Variants in TRAPPC9 observed in about 807,000 individuals in gnomAD.
The protein encoded by TRAPPC9 is trafficking protein particle complex subunit 9, also known as IKK2 binding protein.
In TRAPPC9, 83 loss-of-function variants were observed where a neutral mutation model predicts 124.0. The ratio of observed to expected loss-of-function variants is 0.67; its 90% CI spans 0.56 to 0.80. The LOEUF is 0.80. TRAPPC9 is among the 30% of genes least tolerant of loss of function. The probability of loss-of-function intolerance (pLI) is 0.00; values close to 1 mark genes in which losing one functional copy is unlikely to be tolerated. For missense variants in TRAPPC9, 1,302 were observed against 1,508.3 expected (o/e 0.86, Z 2.27); for synonymous variants, 638 against 617.5 (o/e 1.03, Z -0.49).
In TRAPPC9 at chr8:140,073,160, C is replaced by T. The variant is rs540774619; in HGVS notation, c.2557-49081G>A. ...ATAGTTTCTTATAGTTAAACCCACG[C>T]TTAGTATATGACCTAACAATTCTAC... is the stretch of plus-strand genomic sequence containing the variant. On this transcript the variant is annotated intron_variant, in intron 17 of 22. Coordinates refer to ENST00000438773, the MANE Select transcript of TRAPPC9 (RefSeq NM_001160372.4). Among the ~76,000 whole-genome samples the T allele has an allele frequency of 2.0e-5, 3 of 152,286 alleles. No individual in the cohort carries two copies. In the East Asian group the frequency reaches 5.8e-4, roughly 29 times the overall value.
intron 18 of TRAPPC9, among the ~76,000 whole-genome samples, chr8:140,015,384 C>T (rs981311235): frequency 3.3e-5 from 5 of 152,214 alleles, no homozygotes; most frequent in African/African-American, 1.2e-4. Context: ...AAATCTTCAC[C>T]TGTGAGCAAA....
chr8:139,780,838 T>G (rs965687495), intron 21 of TRAPPC9, among the ~76,000 whole-genome samples: 2 of 149,854 alleles, frequency 1.3e-5, no homozygotes, highest in African/African-American at 4.9e-5. Context: ...AAACAAACAA[T>G]CTGATTTAAA....
chr8:140,126,864 G>A (rs539385012), intron 17 of TRAPPC9, among the ~76,000 whole-genome samples: 25 of 152,270 alleles, frequency 1.6e-4, no homozygotes, highest in African/African-American at 5.8e-4. Flanking sequence ...GTATTTGGAC[G>A]ACACTGAACA....
At chr8:140,323,219 T>C (rs1273248659) in intron 9 of TRAPPC9, among the ~76,000 whole-genome samples, 1 of 152,216 alleles carries the variant, frequency 6.6e-6, no homozygotes, top group Admixed American at 6.5e-5. Context: ...GTGGTACACC[T>C]GGAGAGGCAT....
chr8:140,325,861 A>T (rs1438043149), intron 9 of TRAPPC9, among the ~76,000 whole-genome samples: 2 of 152,188 alleles, frequency 1.3e-5, no homozygotes, highest in African/African-American at 4.8e-5. Context: ...AGAACTAAAG[A>T]GATAAACAGC....
At chr8:139,840,073 CTG>C (rs1479509103) in intron 21 of TRAPPC9, among the ~76,000 whole-genome samples, 1 of 152,254 alleles carries the variant, frequency 6.6e-6, no homozygotes, top group Non-Finnish European at 1.5e-5. Flanking sequence ...ACCAGAGAGT[CTG>C]TACTAAATTC....
At chr8:140,327,924 G>A (rs1167013976) in intron 9 of TRAPPC9, among the ~76,000 whole-genome samples, 2 of 152,156 alleles carry the variant, frequency 1.3e-5, no homozygotes, top group East Asian at 3.8e-4. Context: ...TTTGTGTTGT[G>A]TATATCTTAC....
At chr8:140,060,813 C>A (rs1842565294) in intron 17 of TRAPPC9, among the ~76,000 whole-genome samples, 1 of 152,228 alleles carries the variant, frequency 6.6e-6, no homozygotes, top group Non-Finnish European at 1.5e-5. Flanking sequence ...AGCAGGAGGG[C>A]AGGCCTGGCA....
intron 17 of TRAPPC9, among the ~76,000 whole-genome samples, chr8:140,069,763 C>T (rs1449075641): frequency 2.0e-5 from 3 of 152,158 alleles, no homozygotes. Flanking sequence ...ACCAAGCCGC[C>T]TGCAAGCTGG....
Position 140,049,775 on chromosome 8 carries a change from T to C in TRAPPC9, c.2557-25696A>G, listed in dbSNP as rs73359115. 1.3e-3 allele frequency among the ~76,000 whole-genome samples: 191 copies of C among 152,248 alleles called. 2 individuals carry two copies. The highest frequency in any genetic ancestry group is 4.4e-3 in the African/African-American group (184 of 41,556). ...CGTCTGTATCCCACAGGGCAGGCACTGTGTGAGGTTTTGTGGAAGGTCTCC... is the reference window on the plus strand; with the variant it reads ...CGTCTGTATCCCACAGGGCAGGCACCGTGTGAGGTTTTGTGGAAGGTCTCC... On this transcript the variant is annotated intron_variant, in intron 17 of 22. Transcript: ENST00000438773.
chr8:140,031,527 T>G (rs1840495476), intron 17 of TRAPPC9, among the ~76,000 whole-genome samples: 1 of 152,218 alleles, frequency 6.6e-6, no homozygotes, highest in African/African-American at 2.4e-5. Flanking sequence ...CTGCTCTGTT[T>G]CTATAATATG....
chr8:139,809,800 G>T (rs1824313644), intron 21 of TRAPPC9, among the ~76,000 whole-genome samples: 1 of 152,098 alleles, frequency 6.6e-6, no homozygotes, highest in Admixed American at 6.5e-5. Flanking sequence ...CATATAAACG[G>T]CGGCCACCAC....
intron 19 of TRAPPC9, among the ~76,000 whole-genome samples, chr8:139,968,883 C>A (rs574775041): frequency 6.6e-6 from 1 of 152,180 alleles, no homozygotes; most frequent in African/African-American, 2.4e-5. Context: ...GGACTCTAAC[C>A]CCCGTCTCTG....
At position 139,729,547 on chromosome 8, in the gene TRAPPC9, C is replaced by T. The variant is rs758310559; in HGVS notation, c.*1514G>A. ...CAGGAACTGAGGGCCACTGGACACC[C>T]GCCCCCACATGCCCCCAGCCCACAC... On this transcript the variant is annotated 3_prime_UTR_variant, in exon 23 of 23. Coordinates refer to ENST00000438773, the MANE Select transcript of TRAPPC9 (RefSeq NM_001160372.4). Among the ~76,000 whole-genome samples the T allele has an allele frequency of 2.6e-5, 4 of 152,204 alleles. No individual in the cohort carries two copies. The highest frequency in any genetic ancestry group is 6.5e-5 in the Admixed American group (1 of 15,282).
intron 9 of TRAPPC9, among the ~76,000 whole-genome samples, chr8:140,343,946 G>C (rs1358430755): frequency 6.6e-6 from 1 of 152,174 alleles, no homozygotes; most frequent in Non-Finnish European, 1.5e-5. Context: ...AGCTTCCCAA[G>C]CCGAGACAGA....
chr8:140,306,874 C>T (rs912332750), intron 10 of TRAPPC9, among the ~76,000 whole-genome samples: 2 of 152,098 alleles, frequency 1.3e-5, no homozygotes, highest in Admixed American at 1.3e-4. Flanking sequence ...GGTCACAAAC[C>T]GAAACCAGGA....
At position 140,371,140 on chromosome 8, in the gene TRAPPC9, G is replaced by A. The variant is rs751622435; in HGVS notation, c.1175C>T (p.Ser392Phe). The A allele has an allele frequency of 3.1e-6, 5 of 1,614,040 alleles. No homozygotes were observed. Among genetic ancestry groups the A allele is most frequent in the East Asian group, 2.2e-5 (1 of 44,894 alleles). The change falls in exon 8 of 23, where the codon TCC (serine) becomes TTC (phenylalanine). Residue 392 changes from serine (S) to phenylalanine (F), a missense_variant. Coordinates refer to ENST00000438773, the MANE Select transcript of TRAPPC9 (RefSeq NM_001160372.4). Reference protein sequence around the residue: ...EEKIQRYSILSELYELIGFHR... With the variant: ...EEKIQRYSILFELYELIGFHR... ...GAAGCCGATCAGCTCATAGAGCTCG[G>A]AGAGGATGCTGTAGCGCTGAATTTT...
intron 7 of TRAPPC9, among the ~76,000 whole-genome samples, chr8:140,382,639 A>G (rs1018218926): frequency 1.4e-4 from 21 of 152,202 alleles, no homozygotes; most frequent in African/African-American, 5.1e-4. Context: ...CTGAGGCTTC[A>G]GTAGGTAAAC....
At chr8:140,102,299 T>C (rs2060594252) in intron 17 of TRAPPC9, among the ~76,000 whole-genome samples, 1 of 152,224 alleles carries the variant, frequency 6.6e-6, no homozygotes, top group African/African-American at 2.4e-5. Context: ...TTTTCCTGAC[T>C]ACCCAGGTGG....
Sources: gnomAD v4.1 joint callset for allele counts (sites outside exome capture counted in the v4.1 genomes callset) on GRCh38, gnomAD v4.1.1 for gene constraint, MANE v1.5 for transcripts, NCBI Gene and HGNC (gene_info 2026-07-23, HGNC 2026-07-21) for gene names.